LY75: variants seen among roughly 807,000 people sequenced by gnomAD.
The protein encoded by LY75 is lymphocyte antigen 75.
A neutral mutation model predicts 231.7 loss-of-function variants in LY75; 185 were observed. That is an observed-to-expected ratio of 0.80 (90% CI 0.71 to 0.90). The LOEUF (loss-of-function observed/expected upper bound fraction) is 0.90. Ranked by LOEUF, LY75 falls within the 40% of genes least tolerant of loss-of-function variation. The pLI is 0.00. For synonymous variants in LY75, 668 were observed against 689.0 expected (o/e 0.97, Z 0.48); for missense variants, 1,947 against 2,050.2 (o/e 0.95, Z 0.97).
intron 28 of LY75, among the ~76,000 whole-genome samples, chr2:159,830,914 T>G (rs1395263206): frequency 6.6e-6 from 1 of 152,192 alleles, no homozygotes; most frequent in Non-Finnish European, 1.5e-5. Context: ...TTATCATATG[T>G]GGGCCAGTAT....
At chr2:159,820,812 G>C (rs1164665086) in intron 28 of LY75, among the ~76,000 whole-genome samples, 1 of 152,194 alleles carries the variant, frequency 6.6e-6, no homozygotes. Context: ...GACATAAACT[G>C]TTCACAGTTG....
chr2:159,813,842 T>G (rs1259372195), intron 31 of LY75: 1 of 152,236 alleles, frequency 6.6e-6, no homozygotes. Context: ...CTTATCATTC[T>G]CTATCCTATA....
At chr2:159,848,060 TATG>T (rs1684255991) in intron 23 of LY75, among the ~76,000 whole-genome samples, 2 of 89,186 alleles carry the variant, frequency 2.2e-5, no homozygotes, top group Non-Finnish European at 4.2e-5. Flanking sequence ...ATAAAGAAAT[TATG>T]GTGTGTATAT....
intron 16 of LY75, among the ~76,000 whole-genome samples, chr2:159,856,947 G>T (rs1485179129): frequency 6.6e-6 from 1 of 152,152 alleles, no homozygotes; most frequent in Non-Finnish European, 1.5e-5. Context: ...AGGGCACTTT[G>T]GTTGGAACAA....
In LY75 at chr2:159,904,658, G is replaced by A. The variant is rs1363558078; in HGVS notation, c.25C>T (p.Arg9Cys). MRTGWATP[R>C]RPAGLLMLLF... ...AGCATGAGGAGCCCCGCCGGGCGGCGAGGGGTCGCCCAGCCTGTCCTCATC... is the reference window on the plus strand; with the variant it reads ...AGCATGAGGAGCCCCGCCGGGCGGCAAGGGGTCGCCCAGCCTGTCCTCATC... The change falls in exon 1 of 35, where the codon CGC (arginine) becomes TGC (cysteine). Residue 9 changes from arginine (R) to cysteine (C), a missense_variant. Coordinates refer to ENST00000263636, the MANE Select transcript of LY75 (RefSeq NM_002349.4). The A allele has an allele frequency of 2.0e-6, 3 of 1,489,592 alleles. No individual in the cohort carries two copies. Among genetic ancestry groups the A allele is most frequent in the African/African-American group, 1.5e-5 (1 of 68,508 alleles). 92.3% of individuals were successfully genotyped at this position (1,489,592 alleles called of 1,614,324 possible). A position where few individuals can be genotyped will look rare whatever the true frequency, so the allele number is the denominator to read the frequency against.
At chr2:159,871,754 A>C (rs113625075) in intron 13 of LY75, 5,212 of 152,256 alleles carry the variant, frequency 0.034, 251 homozygotes, top group East Asian at 0.16. Flanking sequence ...AGATCACCTG[A>C]GGTCAGAAGT....
intron 29 of LY75, among the ~76,000 whole-genome samples, chr2:159,818,897 C>T (rs1240480778): frequency 6.6e-6 from 1 of 152,072 alleles, no homozygotes; most frequent in Non-Finnish European, 1.5e-5. Flanking sequence ...GTGCCTGGGA[C>T]AATGAAGAGA....
chr2:159,835,758 A>G lies in LY75; in HGVS notation c.3508-113T>C, dbSNP rs970741649. On this transcript the variant is annotated intron_variant, in intron 25 of 34. Coordinates refer to ENST00000263636, the MANE Select transcript of LY75 (RefSeq NM_002349.4). ...TTAATTTTTTTAATATTTAATACAC[A>G]TTTACATACCATTTACTACATAACA... The G allele has an allele frequency of 1.5e-5, 20 of 1,313,314 alleles. No homozygotes were observed. In the African/African-American group the frequency reaches 2.6e-4, roughly 17 times the overall value. 81.4% of individuals were successfully genotyped at this position (1,313,314 alleles called of 1,614,324 possible).
chr2:159,886,542 A>T lies in LY75; in HGVS notation c.803-12T>A, dbSNP rs766647082. 810 of 1,578,330 alleles carry T rather than the reference A, an allele frequency of 5.1e-4. No homozygotes were observed. The highest frequency in any genetic ancestry group is 6.6e-4 in the Non-Finnish European group (765 of 1,166,404). ...AATGCCTTCTTTTTCTGTAAGAATT[A>T]AAAAATTTTTAAAAAGTGACAAAGT... On this transcript the variant is annotated splice_polypyrimidine_tract_variant and intron_variant, in intron 4 of 34. Transcript: ENST00000263636.
chr2:159,839,445 A>G (rs1683936780), intron 25 of LY75, among the ~76,000 whole-genome samples: 1 of 152,226 alleles, frequency 6.6e-6, no homozygotes, highest in African/African-American at 2.4e-5. Flanking sequence ...GGAGACTAGC[A>G]TTCTTTGTTG....
intron 29 of LY75, among the ~76,000 whole-genome samples, chr2:159,818,455 A>G (rs1201607490): frequency 2.6e-5 from 4 of 152,222 alleles, no homozygotes; most frequent in African/African-American, 9.6e-5. Flanking sequence ...CAAATACATG[A>G]CCAGTGTTCC....
chr2:159,817,158 A>T (rs1683144811), intron 29 of LY75, 126 bp from the exon 30 acceptor site: 3 of 1,009,398 alleles, frequency 3.0e-6, no homozygotes, highest in Middle Eastern at 3.3e-4. Context: ...AGGGAGGTCA[A>T]ATGTATATTT....
rs1437941426 is a variant in LY75 at position 159,898,923 on chromosome 2, A to G, written c.231T>C (p.His77=). 6.2e-7 allele frequency: 1 copy of G among 1,614,218 alleles called. No individual in the cohort carries two copies. Among genetic ancestry groups the G allele is most frequent in the Non-Finnish European group, 8.5e-7 (1 of 1,180,048 alleles). The part of the protein sequence containing the change: ...WKWVSQHRLF[H]LHSQKCLGLD... ...GGCCAAGGCACTTTTGGGAGTGCAA[A>G]TGAAAGAGCCGATGCTGGGACACCC... Residue 77 remains histidine (H), a synonymous_variant, in exon 2 of 35, where the codon CAT becomes CAC. Transcript: ENST00000263636.
intron 13 of LY75, among the ~76,000 whole-genome samples, chr2:159,869,625 T>C (rs1369582658): frequency 1.3e-5 from 2 of 152,154 alleles, no homozygotes; most frequent in African/African-American, 4.8e-5. Flanking sequence ...CATCCAGTCA[T>C]TGGGTCAGGT....
chr2:159,816,549 C>T (rs1178013204), intron 30 of LY75, among the ~76,000 whole-genome samples: 1 of 152,090 alleles, frequency 6.6e-6, no homozygotes, highest in Non-Finnish European at 1.5e-5. Context: ...TTTGTCTGTC[C>T]CAAATAGGCT....
chr2:159,810,737 C>A, intron 31 of LY75, 62 bp from the exon 32 acceptor site: 1 of 1,588,900 alleles, frequency 6.3e-7, no homozygotes, highest in Non-Finnish European at 8.5e-7. Flanking sequence ...CTTTCAAAAT[C>A]TACTTCAATG....
intron 4 of LY75, among the ~76,000 whole-genome samples, chr2:159,888,711 A>G (rs1272782255): frequency 6.6e-6 from 1 of 152,226 alleles, no homozygotes; most frequent in East Asian, 1.9e-4. Context: ...ACAACCCATG[A>G]GACCCATTTC....
Position 159,848,265 on chromosome 2 carries a change from G to A in LY75, c.3150+1715C>T, listed in dbSNP as rs146965920. 6.5e-3 allele frequency among the ~76,000 whole-genome samples: 986 copies of A among 152,014 alleles called. 7 individuals carry two copies. The highest frequency in any genetic ancestry group is 0.011 in the Non-Finnish European group (767 of 67,978). The stretch of plus-strand genomic sequence containing the variant: ...TAATGGCATTCACAGCAACCTGGAT[G>A]AGATTGGAGACTATTATTCTAAGTG... On this transcript the variant is annotated intron_variant, in intron 23 of 34. Coordinates refer to ENST00000263636, the MANE Select transcript of LY75 (RefSeq NM_002349.4).
At chr2:159,816,424 G>A (rs898586608) in intron 30 of LY75, among the ~76,000 whole-genome samples, 1 of 152,194 alleles carries the variant, frequency 6.6e-6, no homozygotes, top group Admixed American at 6.5e-5. Context: ...TCTACATGAG[G>A]AAATAAGGTT....
Sources: gnomAD v4.1 joint callset for allele counts (sites outside exome capture counted in the v4.1 genomes callset) on GRCh38, gnomAD v4.1.1 for gene constraint, MANE v1.5 for transcripts, NCBI Gene and HGNC (gene_info 2026-07-23, HGNC 2026-07-21) for gene names.